DYRK1A: variants seen among roughly 807,000 people sequenced by gnomAD.
The protein encoded by DYRK1A is dual specificity tyrosine-phosphorylation-regulated kinase 1A.
DYRK1A carries 9 observed loss-of-function variants against 79.7 expected under a neutral mutation model. The ratio of observed to expected loss-of-function variants is 0.11; its 90% CI spans 0.07 to 0.20. The LOEUF is 0.20. Among genes scored for constraint, DYRK1A ranks in the 10% least tolerant of loss-of-function variants. The pLI is 1.00. For missense variants in DYRK1A, 622 were observed against 956.0 expected (o/e 0.65, Z 4.61); for synonymous variants, 349 against 329.7 (o/e 1.06, Z -0.63).
At position 37,513,483 on chromosome 21, in the gene DYRK1A, C is replaced by A. The variant is rs919124305; in HGVS notation, c.*952C>A. 3 of 152,566 alleles carry A rather than the reference C, an allele frequency of 2.0e-5. No individual in the cohort carries two copies. The highest frequency in any genetic ancestry group is 4.4e-5 in the Non-Finnish European group (3 of 68,034). 9.5% of individuals were successfully genotyped at this position (152,566 alleles called of 1,614,324 possible). A position where few individuals can be genotyped will look rare whatever the true frequency, so the allele number is the denominator to read the frequency against. On this transcript the variant is annotated 3_prime_UTR_variant, in exon 12 of 12. Coordinates refer to ENST00000647188, the MANE Select transcript of DYRK1A (RefSeq NM_001347721.2). The stretch of plus-strand genomic sequence containing the variant: ...CACAGAGAATGGGTAATTCAAGAGG[C>A]CTTTCTTTTAAAATAGACTTTTGTG...
chr21:37,420,419 C>T (rs748415817), intron 2 of DYRK1A, 35 bp downstream of exon 2: 2 of 1,607,194 alleles, frequency 1.2e-6, no homozygotes, highest in Admixed American at 3.4e-5. Flanking sequence ...AAAACTCTGG[C>T]TAAGAGAATG....
chr21:37,445,029 T>C (rs576379892), intron 2 of DYRK1A, among the ~76,000 whole-genome samples: 1 of 152,200 alleles, frequency 6.6e-6, no homozygotes, highest in Admixed American at 6.5e-5. Flanking sequence ...TTAAGAAAGG[T>C]GCCCCAGGGA....
Position 37,517,427 on chromosome 21 carries a change from C to T in DYRK1A, c.*4896C>T, listed in dbSNP as rs1280951109. The stretch of plus-strand genomic sequence containing the variant: ...AAAGACCAGCTATTTGATAATCTTC[C>T]CGATTAAATTTCTAAAATTGCTACT... On this transcript the variant is annotated 3_prime_UTR_variant, in exon 12 of 12. Transcript: ENST00000647188. 1 of 152,174 alleles carries T rather than the reference C, an allele frequency of 6.6e-6. No homozygotes were observed. The highest frequency in any genetic ancestry group is 1.5e-5 in the Non-Finnish European group (1 of 68,028). 9.4% of individuals were successfully genotyped at this position (152,174 alleles called of 1,614,324 possible).
chr21:37,422,652 A>T (rs2050507466), intron 2 of DYRK1A, among the ~76,000 whole-genome samples: 1 of 152,136 alleles, frequency 6.6e-6, no homozygotes, highest in Admixed American at 6.6e-5. Context: ...AACACTTAAG[A>T]GTAGGTTTTC....
chr21:37,382,312 G>A (rs1046936952), intron 1 of DYRK1A, among the ~76,000 whole-genome samples: 1 of 151,864 alleles, frequency 6.6e-6, no homozygotes, highest in Admixed American at 6.6e-5. Context: ...GGGCTCAAGT[G>A]ATCCTCCTGC....
intron 2 of DYRK1A, among the ~76,000 whole-genome samples, chr21:37,443,476 T>G (rs1401412159): frequency 1.3e-5 from 2 of 152,230 alleles, no homozygotes; most frequent in Admixed American, 1.3e-4. Context: ...CTTTGTCGGG[T>G]GCCGAGTATT....
intron 11 of DYRK1A, chr21:37,506,460 T>C: frequency 8.0e-7 from 1 of 1,251,788 alleles, no homozygotes; most frequent in East Asian, 2.6e-5. Flanking sequence ...TGAACAGTTT[T>C]TTTCCTGTGT....
intron 1 of DYRK1A, among the ~76,000 whole-genome samples, chr21:37,385,161 T>C (rs1176152082): frequency 6.6e-6 from 1 of 152,116 alleles, no homozygotes; most frequent in Non-Finnish European, 1.5e-5. Context: ...AGAACTTTAT[T>C]ATGTAGCAGT....
Position 37,512,788 on chromosome 21 carries a change from A to C in DYRK1A, c.*257A>C. On this transcript the variant is annotated 3_prime_UTR_variant, in exon 12 of 12. Coordinates refer to ENST00000647188, the MANE Select transcript of DYRK1A (RefSeq NM_001347721.2). Reference sequence around the variant, plus strand: ...TTGCTCCCCCATTTTAACTTGCCACATCCCAGTCACAGTGGGGTTTTTTTG... The same window carrying C: ...TTGCTCCCCCATTTTAACTTGCCACCTCCCAGTCACAGTGGGGTTTTTTTG... 1 of 454,244 alleles carries C rather than the reference A, an allele frequency of 2.2e-6. No individual in the cohort carries two copies. Among genetic ancestry groups the C allele is most frequent in the Admixed American group, 3.8e-5 (1 of 26,404 alleles). 28.1% of individuals were successfully genotyped at this position (454,244 alleles called of 1,614,324 possible).
At chr21:37,384,002 A>G (rs1036331348) in intron 1 of DYRK1A, among the ~76,000 whole-genome samples, 5 of 152,204 alleles carry the variant, frequency 3.3e-5, no homozygotes, top group African/African-American at 9.7e-5. Flanking sequence ...CAGATATCAG[A>G]TAATAGGTAG....
Position 37,452,915 on chromosome 21 carries a change from T to C in DYRK1A, c.11-19769T>C, listed in dbSNP as rs149854983. Among the ~76,000 whole-genome samples the C allele has an allele frequency of 7.1e-3, 1,084 of 152,276 alleles. 13 individuals are homozygous for C. The highest frequency in any genetic ancestry group is 0.025 in the African/African-American group (1,027 of 41,554). ...TGCCAATAGAAATGTAAGCCACTTA[T>C]GTAATTTAAATTTTTCTAGGAGCCA... On this transcript the variant is annotated intron_variant, in intron 2 of 11. Coordinates refer to ENST00000647188, the MANE Select transcript of DYRK1A (RefSeq NM_001347721.2).
intron 2 of DYRK1A, among the ~76,000 whole-genome samples, chr21:37,445,203 C>T (rs1460734047): frequency 6.6e-6 from 1 of 152,138 alleles, no homozygotes; most frequent in Non-Finnish European, 1.5e-5. Context: ...AAAGTTAGAA[C>T]ACCAGCCCTG....
intron 9 of DYRK1A, chr21:37,504,772 C>G (rs2053546410): frequency 6.5e-6 from 1 of 153,884 alleles, no homozygotes; most frequent in Admixed American, 6.5e-5. Context: ...GTAGAACATC[C>G]TTGGTGTCAT....
intron 2 of DYRK1A, among the ~76,000 whole-genome samples, chr21:37,452,353 A>T (rs4817863): frequency 2.0e-5 from 3 of 146,782 alleles, no homozygotes; most frequent in African/African-American, 7.7e-5. Context: ...ATTGAGGGGG[A>T]TTGAGGTAAA....
intron 3 of DYRK1A, 50 bp from the exon 4 acceptor site, chr21:37,478,158 C>T: frequency 6.2e-7 from 1 of 1,608,906 alleles, no homozygotes; most frequent in African/African-American, 1.3e-5. Context: ...AGTTAAAGTG[C>T]TAGTCTTTTC....
intron 1 of DYRK1A, among the ~76,000 whole-genome samples, chr21:37,407,910 C>G (rs1210134645): frequency 1.3e-5 from 2 of 151,910 alleles, no homozygotes; most frequent in African/African-American, 4.8e-5. Flanking sequence ...GTCGATCACT[C>G]AAAACTAGCT....
At chr21:37,494,422 C>T (rs1415753439) in intron 8 of DYRK1A, among the ~76,000 whole-genome samples, 2 of 152,130 alleles carry the variant, frequency 1.3e-5, no homozygotes, top group Admixed American at 6.5e-5. Context: ...CCTGGTCTCT[C>T]CTTCTCCCCT....
At chr21:37,462,291 A>C (rs1431301189) in intron 2 of DYRK1A, among the ~76,000 whole-genome samples, 1 of 151,976 alleles carries the variant, frequency 6.6e-6, no homozygotes, top group Non-Finnish European at 1.5e-5. Context: ...CTCTTTAAAG[A>C]GTGTTGAATG....
chr21:37,433,107 CATGTTTA>C (rs963123189), intron 2 of DYRK1A, among the ~76,000 whole-genome samples: 5 of 149,250 alleles, frequency 3.4e-5, no homozygotes, highest in African/African-American at 1.2e-4. Flanking sequence ...TATTTTAAAA[CATGTTTA>C]ATGTTTAATT....
Sources: gnomAD v4.1 joint callset for allele counts (sites outside exome capture counted in the v4.1 genomes callset) on GRCh38, gnomAD v4.1.1 for gene constraint, MANE v1.5 for transcripts, NCBI Gene and HGNC (gene_info 2026-07-23, HGNC 2026-07-21) for gene names.